Variants in PCDHGA3 observed in about 807,000 individuals in gnomAD.
PCDHGA3 encodes the protein protocadherin gamma-A3.
Under a neutral mutation model 58.5 loss-of-function variants are expected in PCDHGA3, and 40 were observed. That is an observed-to-expected ratio of 0.68 (90% confidence interval 0.53 to 0.89). The LOEUF (loss-of-function observed/expected upper bound fraction) is 0.89. Among genes scored for constraint, PCDHGA3 ranks in the 40% least tolerant of loss-of-function variants. The pLI, the probability that PCDHGA3 is intolerant of heterozygous loss-of-function variation, is 0.00. For missense variants in PCDHGA3, 1,223 were observed against 1,195.9 expected (o/e 1.02, Z -0.33); for synonymous variants, 530 against 525.7 (o/e 1.01, Z -0.11).
At chr5:141,420,064 C>T (rs1204112062) in intron 1 of PCDHGA3, 1 of 1,614,052 alleles carries the variant, frequency 6.2e-7, no homozygotes, top group Non-Finnish European at 8.5e-7. Context: ...GCTCCAAGTC[C>T]GGACCTGTGG....
At chr5:141,478,306 G>A (rs1316502939) in intron 1 of PCDHGA3, 2 of 1,614,056 alleles carry the variant, frequency 1.2e-6, no homozygotes, top group South Asian at 2.2e-5. Flanking sequence ...ACCGAGCCCC[G>A]GTGAGCTCAC....
At chr5:141,355,206 G>A in intron 1 of PCDHGA3, 1 of 1,598,470 alleles carries the variant, frequency 6.3e-7, no homozygotes, top group Non-Finnish European at 8.5e-7. Context: ...TTGTAATGGC[G>A]GCGCCTCCTG....
At position 141,422,169 on chromosome 5, in the gene PCDHGA3, A is replaced by G. The variant is rs1386896405; in HGVS notation, c.2425-72638A>G. 2.6e-6 allele frequency: 4 copies of G among 1,563,898 alleles called. No homozygotes were observed. In the South Asian group the frequency reaches 4.9e-5, roughly 19 times the overall value. On this transcript the variant is annotated intron_variant, in intron 1 of 3. Coordinates refer to ENST00000253812, the MANE Select transcript of PCDHGA3 (RefSeq NM_018916.4). ...GGTCTCTGGATTTTGAAAAATATAG[A>G]TTCTATGAGATGGAAATTCAAGGCC...
chr5:141,399,529 G>T (rs946281582), intron 1 of PCDHGA3: 3 of 1,614,010 alleles, frequency 1.9e-6, no homozygotes, highest in Non-Finnish European at 2.5e-6. Flanking sequence ...GGCCTCCATC[G>T]CGCAAGTCTG....
At chr5:141,356,666 A>T in intron 1 of PCDHGA3, 1 of 1,613,844 alleles carries the variant, frequency 6.2e-7, no homozygotes, top group Non-Finnish European at 8.5e-7. Flanking sequence ...CGAATCACTT[A>T]CTCCCTGGCC....
intron 1 of PCDHGA3, chr5:141,475,814 TC>T: frequency 3.0e-6 from 1 of 338,520 alleles, no homozygotes; most frequent in Non-Finnish European, 5.4e-6. Flanking sequence ...AAAGTGAAGT[TC>T]CTGGCGCTAG....
At chr5:141,421,147 G>A in intron 1 of PCDHGA3, 1 of 1,019,036 alleles carries the variant, frequency 9.8e-7, no homozygotes, top group South Asian at 1.7e-5. Context: ...GGATGTAGTC[G>A]GCCTAGGACT....
In PCDHGA3 at chr5:141,491,129, C is replaced by T; in HGVS notation, c.2425-3678C>T. On this transcript the variant is annotated intron_variant, in intron 1 of 3. Transcript: ENST00000253812. This position sits in a 1 kb window ranked among gnomAD's most constrained non-coding sequence, Gnocchi z 6.9. Reference sequence around the variant, plus strand: ...TCTACACACACTGGTGAGGTGCGCACAGCCCGGGCCTTACTGGAGGATGAC... The same window carrying T: ...TCTACACACACTGGTGAGGTGCGCATAGCCCGGGCCTTACTGGAGGATGAC... 1.2e-6 allele frequency: 2 copies of T among 1,614,172 alleles called. No individual in the cohort carries two copies. The highest frequency in any genetic ancestry group is 1.7e-6 in the Non-Finnish European group (2 of 1,180,012).
In PCDHGA3 at chr5:141,372,836, A is replaced by G. The variant is rs755204859; in HGVS notation, c.2424+26379A>G. 4 of 1,532,454 alleles carry G rather than the reference A, an allele frequency of 2.6e-6. No homozygotes were observed. In the East Asian group the frequency reaches 6.9e-5, roughly 27 times the overall value. The allele number at this position is 1,532,454 out of a possible 1,614,324, so 94.9% of individuals were successfully genotyped here. On this transcript the variant is annotated intron_variant, in intron 1 of 3. Coordinates refer to ENST00000253812, the MANE Select transcript of PCDHGA3 (RefSeq NM_018916.4). ...TGAGTTTCTTCAAACCTTTCCTTCC[A>G]TAAATATAATTGGGTTTCAATTCAT... is the stretch of plus-strand genomic sequence containing the variant.
At chr5:141,388,969 C>A (rs1392290138) in intron 1 of PCDHGA3, 1 of 1,613,882 alleles carries the variant, frequency 6.2e-7, no homozygotes, top group Non-Finnish European at 8.5e-7. Context: ...GAGCTGGGAA[C>A]ACATATTGCT....
At chr5:141,492,068 G>A in intron 1 of PCDHGA3, 1 of 479,628 alleles carries the variant, frequency 2.1e-6, no homozygotes, top group Non-Finnish European at 3.7e-6. Flanking sequence ...AGCCTCCTAG[G>A]CGCCGGCTCC....
rs754935227 is a variant in PCDHGA3 at position 141,395,069 on chromosome 5, C to G, written c.2424+48612C>G. The G allele has an allele frequency of 3.7e-6, 6 of 1,614,006 alleles. No homozygotes were observed. In the African/African-American group the frequency reaches 8.0e-5, roughly 22 times the overall value. ...AGGAGGTACAGGCTTTCCTGCAGAC[C>G]TATTCCCAGGAAGTCTCCCTCACCG... On this transcript the variant is annotated intron_variant, in intron 1 of 3. Transcript: ENST00000253812.
At position 141,485,968 on chromosome 5, in the gene PCDHGA3, T is replaced by C; in HGVS notation, c.2425-8839T>C. On this transcript the variant is annotated intron_variant, in intron 1 of 3. Coordinates refer to ENST00000253812, the MANE Select transcript of PCDHGA3 (RefSeq NM_018916.4). The surrounding 1 kb of genome is among the most constrained non-coding windows in gnomAD (Gnocchi z 5.7). The stretch of plus-strand genomic sequence containing the variant: ...CGGGCATGGTGCTCATCCAGCTCAA[T>C]GCCTCAGACCCGGACCTGGGTCCCA... 6.2e-7 allele frequency: 1 copy of C among 1,614,216 alleles called. No homozygotes were observed. The highest frequency in any genetic ancestry group is 1.1e-5 in the South Asian group (1 of 91,088).
chr5:141,388,626 A>C, intron 1 of PCDHGA3: 1 of 1,613,974 alleles, frequency 6.2e-7, no homozygotes, highest in Non-Finnish European at 8.5e-7. Flanking sequence ...AGACGTATAC[A>C]GGGTGAGCCT....
At chr5:141,383,501 A>G in intron 1 of PCDHGA3, 1 of 1,612,940 alleles carries the variant, frequency 6.2e-7, no homozygotes. Context: ...CGGGTGCTGG[A>G]CCGGGAGGAA....
chr5:141,487,069 T>C lies in PCDHGA3; in HGVS notation c.2425-7738T>C, dbSNP rs750739955. 26 of 1,614,160 alleles carry C rather than the reference T, an allele frequency of 1.6e-5. No homozygotes were observed. Among genetic ancestry groups the C allele is most frequent in the Non-Finnish European group, 2.0e-5 (24 of 1,180,002 alleles). On this transcript the variant is annotated intron_variant, in intron 1 of 3. Transcript: ENST00000253812. This position sits in a 1 kb window ranked among gnomAD's most constrained non-coding sequence, Gnocchi z 5.0. The stretch of plus-strand genomic sequence containing the variant: ...ATGCTGGGGAGGTGCGGACGGCTGT[T>C]CCTATCCCAGCTGACCTCCCACCAC...
At chr5:141,361,701 T>C (rs376967719) in intron 1 of PCDHGA3, 149 of 1,613,218 alleles carry the variant, frequency 9.2e-5, no homozygotes, top group Non-Finnish European at 1.1e-4. Flanking sequence ...CCTTCGATCA[T>C]GAGCAGCTGC....
chr5:141,484,864 A>G, intron 1 of PCDHGA3: 1 of 263,722 alleles, frequency 3.8e-6, no homozygotes, highest in Non-Finnish European at 7.2e-6. Context: ...GGGGTGGGGG[A>G]GCGTGGAGGA....
intron 3 of PCDHGA3, among the ~76,000 whole-genome samples, chr5:141,509,722 C>A (rs919655821): frequency 5.9e-5 from 9 of 152,140 alleles, no homozygotes; most frequent in African/African-American, 2.2e-4. Flanking sequence ...CTGATGTCAC[C>A]TAGCTGTGGC....
Sources: gnomAD v4.1 joint callset for allele counts (sites outside exome capture counted in the v4.1 genomes callset) on GRCh38, gnomAD v4.1.1 for gene constraint, Gnocchi (gnomAD v3.1) non-coding constraint, MANE v1.5 for transcripts, NCBI Gene and HGNC (gene_info 2026-07-23, HGNC 2026-07-21) for gene names.